Variants in ACTR3C observed in about 807,000 individuals in gnomAD.
The protein encoded by ACTR3C is actin-related protein 3C.
In ACTR3C, 18 loss-of-function variants were observed where a neutral mutation model predicts 26.3. That is an observed-to-expected ratio of 0.68 (90% CI 0.47 to 1.01). The LOEUF (loss-of-function observed/expected upper bound fraction) is 1.01, where lower values mean the gene tolerates loss of function less well. Among genes scored for constraint, ACTR3C ranks in the 50% least tolerant of loss-of-function variants. The pLI, the probability that ACTR3C is intolerant of heterozygous loss-of-function variation, is 0.00. For missense variants in ACTR3C, 184 were observed against 250.7 expected (o/e 0.73, Z 1.80); for synonymous variants, 55 against 94.5 (o/e 0.58, Z 2.42).
At chr7:149,927,585 G>A in the ACTR3C span, among the ~76,000 whole-genome samples, 36,641 of 151,544 alleles carry the variant, frequency 0.24, 5,080 homozygotes, top group South Asian at 0.37. Context: ...AAAATTAGCC[G>A]GGCATAGTGG....
chr7:150,319,206 T>C (rs1028268302), intron 1 of ACTR3C, among the ~76,000 whole-genome samples: 1 of 68,920 alleles, frequency 1.5e-5, no homozygotes, highest in Non-Finnish European at 2.8e-5. Context: ...TTGCTTCTTC[T>C]TTTTTTTTTT....
the ACTR3C span, among the ~76,000 whole-genome samples, chr7:150,156,768 T>C: frequency 6.6e-6 from 1 of 152,134 alleles, no homozygotes; most frequent in African/African-American, 2.4e-5. Flanking sequence ...TTTGACTATT[T>C]CCTCCCAGTG....
the ACTR3C span, among the ~76,000 whole-genome samples, chr7:150,094,027 T>C: frequency 6.7e-6 from 1 of 150,292 alleles, no homozygotes; most frequent in African/African-American, 2.5e-5. Context: ...AGAGCACAGA[T>C]AGGTAAAATA....
the ACTR3C span, among the ~76,000 whole-genome samples, chr7:149,971,000 A>G: frequency 1.3e-5 from 2 of 152,172 alleles, no homozygotes; most frequent in South Asian, 2.1e-4. Context: ...CAATCACAGA[A>G]CTAAGAGGAC....
At chr7:149,907,478 TTCTCTCTCTC>T in the ACTR3C span, among the ~76,000 whole-genome samples, 7 of 97,688 alleles carry the variant, frequency 7.2e-5, no homozygotes, top group East Asian at 7.6e-4. Context: ...CTCTCTTCTC[TTCTCTCTCTC>T]TCTCTCTCTC....
the ACTR3C span, among the ~76,000 whole-genome samples, chr7:150,153,044 T>G: frequency 1.3e-5 from 2 of 152,300 alleles, no homozygotes; most frequent in East Asian, 1.9e-4. Context: ...TCTTTATTAG[T>G]CTTACTAGCG....
At chr7:150,036,557 G>T in the ACTR3C span, among the ~76,000 whole-genome samples, 66 of 144,356 alleles carry the variant, frequency 4.6e-4, 4 homozygotes, top group East Asian at 2.7e-3. Context: ...CCGGGTCCCC[G>T]ACCCCTTTGT....
At chr7:150,087,772 C>T in the ACTR3C span, among the ~76,000 whole-genome samples, 178 of 152,296 alleles carry the variant, frequency 1.2e-3, no homozygotes, top group African/African-American at 4.0e-3. Context: ...CAGAAGAAAA[C>T]ACAAACTCTC....
rs543328533 is a variant in ACTR3C at position 150,251,383 on chromosome 7, A to G, written c.565-2329T>C. Among the ~76,000 whole-genome samples the G allele has an allele frequency of 4.0e-3, 605 of 152,354 alleles. 4 individuals carry two copies. The highest frequency in any genetic ancestry group is 0.013 in the African/African-American group (557 of 41,584). ...TTTCCTATTTTAGGAAAAAATGAAGACAGGCTAATTTTGAGATAAATCAAA... is the reference window on the plus strand; with the variant it reads ...TTTCCTATTTTAGGAAAAAATGAAGGCAGGCTAATTTTGAGATAAATCAAA... On this transcript the variant is annotated intron_variant, in intron 6 of 7. Coordinates refer to ENST00000683684, the MANE Select transcript of ACTR3C (RefSeq NM_001164458.2).
chr7:150,313,214 C>T (rs1476723278), intron 1 of ACTR3C, among the ~76,000 whole-genome samples: 3 of 152,216 alleles, frequency 2.0e-5, no homozygotes, highest in Admixed American at 2.0e-4. Context: ...CCCACTTGCA[C>T]CCAAGTGAAT....
chr7:149,885,102 A>T, the ACTR3C span, among the ~76,000 whole-genome samples: 2 of 152,110 alleles, frequency 1.3e-5, no homozygotes, highest in African/African-American at 4.8e-5. Flanking sequence ...ACCAGATGCT[A>T]GCAGAACCCC....
downstream of ACTR3C, among the ~76,000 whole-genome samples, chr7:150,242,882 C>T (rs1430933191): frequency 1.3e-5 from 2 of 152,018 alleles, no homozygotes; most frequent in African/African-American, 4.8e-5. Context: ...CCTCCCTCTG[C>T]CTTTAGTTTT....
At chr7:150,264,991 A>G (rs1404749579) in intron 6 of ACTR3C, 26 of 529,320 alleles carry the variant, frequency 4.9e-5, no homozygotes, top group Non-Finnish European at 6.3e-5. Flanking sequence ...TAAGACATAC[A>G]TGGGCTCTTG....
chr7:149,900,300 C>T, the ACTR3C span, among the ~76,000 whole-genome samples: 79 of 152,072 alleles, frequency 5.2e-4, no homozygotes, highest in Admixed American at 1.8e-3. Context: ...CTCAGCCTCC[C>T]GAAATAGCTG....
chr7:150,209,298 G>A, the ACTR3C span, among the ~76,000 whole-genome samples: 4 of 143,774 alleles, frequency 2.8e-5, no homozygotes, highest in African/African-American at 1.2e-4. Context: ...CAGAGAGAGA[G>A]AGAGACAGAA....
At chr7:150,169,651 C>T in the ACTR3C span, among the ~76,000 whole-genome samples, 2 of 150,618 alleles carry the variant, frequency 1.3e-5, no homozygotes, top group Non-Finnish European at 2.9e-5. Context: ...AGTCAGCTTG[C>T]TAGAAGGCTG....
intron 1 of ACTR3C, among the ~76,000 whole-genome samples, chr7:150,299,175 G>T (rs1405915996): frequency 1.3e-5 from 2 of 151,412 alleles, no homozygotes; most frequent in African/African-American, 4.8e-5. Context: ...TAGAGACAGG[G>T]TTTCACGATG....
At chr7:150,248,734 G>C (rs1406279704) in intron 7 of ACTR3C, 4 of 348,360 alleles carry the variant, frequency 1.1e-5, no homozygotes, top group African/African-American at 2.2e-5. Flanking sequence ...ACTTATCATA[G>C]CAAGAACCAG....
chr7:150,035,758 C>G, the ACTR3C span, among the ~76,000 whole-genome samples: 2 of 138,134 alleles, frequency 1.4e-5, no homozygotes, highest in African/African-American at 5.3e-5. Context: ...GCGGGGGGTG[C>G]GTCCCCCCTC....
Sources: allele counts gnomAD v4.1 joint callset (sites outside exome capture counted in the v4.1 genomes callset), GRCh38; gene constraint gnomAD v4.1.1; transcripts MANE v1.5; gene names NCBI Gene and HGNC (gene_info 2026-07-23, HGNC 2026-07-21).